ZNHIT6: variants seen among roughly 807,000 people sequenced by gnomAD.
ZNHIT6 encodes zinc finger HIT-type containing 6, also known as box C/D snoRNA protein 1.
ZNHIT6 carries 45 observed loss-of-function variants against 57.2 expected under a neutral mutation model. The ratio of observed to expected loss-of-function variants is 0.79; its 90% confidence interval spans 0.62 to 1.01. The LOEUF (loss-of-function observed/expected upper bound fraction) is 1.01, where lower values mean the gene tolerates loss of function less well. Ranked by LOEUF, ZNHIT6 falls within the 50% of genes least tolerant of loss-of-function variation. ZNHIT6 has a pLI of 0.00. For synonymous variants in ZNHIT6, 188 were observed against 190.0 expected (o/e 0.99, Z 0.09); for missense variants, 528 against 567.3 (o/e 0.93, Z 0.70).
At chr1:85,706,381 T>C (rs1662686652) in intron 2 of ZNHIT6, 26 bp from the exon 3 acceptor site, 1 of 1,613,734 alleles carries the variant, frequency 6.2e-7, no homozygotes, top group Non-Finnish European at 8.5e-7. Context: ...GGAAGTACTT[T>C]TATATTTTAG....
rs1438663593 is a variant in ZNHIT6 at position 85,653,162 on chromosome 1, A to G, written c.*896T>C. ...AAGTAGATCCAAATTTGTTATCACT[A>G]ATGGCTCAAACAATGTGGAGCCACT... is the stretch of plus-strand genomic sequence containing the variant. On this transcript the variant is annotated 3_prime_UTR_variant, in exon 10 of 10. Transcript: ENST00000370574. The G allele has an allele frequency of 6.6e-6, 1 of 152,210 alleles. No individual in the cohort carries two copies. The highest frequency in any genetic ancestry group is 1.5e-5 in the Non-Finnish European group (1 of 68,042). The allele number at this position is 152,210 out of a possible 1,614,324, so 9.4% of individuals were successfully genotyped here. A position where few individuals can be genotyped will look rare whatever the true frequency, so the allele number is the denominator to read the frequency against.
At chr1:85,671,518 C>CA (rs1239816725) in intron 8 of ZNHIT6, among the ~76,000 whole-genome samples, 21 of 150,806 alleles carry the variant, frequency 1.4e-4, no homozygotes, top group Admixed American at 1.4e-3. Flanking sequence ...AACAAATAAA[C>CA]AAAAAAAGTA....
Position 85,667,961 on chromosome 1 carries a change from A to AAAAAAAAAAATATATAT in ZNHIT6, c.1247+9274_1247+9275insATATATATTTTTTTTTT. On this transcript the variant is annotated intron_variant, in intron 8 of 9. Transcript: ENST00000370574. ...ACTCTCTCTTTCAAAAAAAAAAAAA[A>AAAAAAAAAAATATATAT]ATATATATATATATATATATATATG... Among the ~76,000 whole-genome samples the AAAAAAAAAAATATATAT allele has an allele frequency of 1.9e-3, 34 of 18,188 alleles. 1 individual carries two copies. The highest frequency in any genetic ancestry group is 3.8e-3 in the African/African-American group (18 of 4,702). 11.9% of individuals were successfully genotyped at this position (18,188 alleles called of 152,430 possible). A position where few individuals can be genotyped will look rare whatever the true frequency, so the allele number is the denominator to read the frequency against.
chr1:85,674,617 T>C (rs1180557742), intron 8 of ZNHIT6, among the ~76,000 whole-genome samples: 3 of 152,258 alleles, frequency 2.0e-5, no homozygotes, highest in South Asian at 2.1e-4. Context: ...ATTTACATTG[T>C]TTCCTTGGAA....
At position 85,653,810 on chromosome 1, in the gene ZNHIT6, C is replaced by T. The variant is rs988171621; in HGVS notation, c.*248G>A. 17 of 384,934 alleles carry T rather than the reference C, an allele frequency of 4.4e-5. No individual in the cohort carries two copies. The highest frequency in any genetic ancestry group is 6.6e-4 in the Middle Eastern group (1 of 1,526). The allele number at this position is 384,934 out of a possible 1,614,324, so 23.8% of individuals were successfully genotyped here. A position where few individuals can be genotyped will look rare whatever the true frequency, so the allele number is the denominator to read the frequency against. On this transcript the variant is annotated 3_prime_UTR_variant, in exon 10 of 10. Coordinates refer to ENST00000370574, the MANE Select transcript of ZNHIT6 (RefSeq NM_017953.4). ...TTAAGCAATTAAGCATATTAAAAAGCCAGGGCCTAATAAGTACTATGCTGA... is the reference window on the plus strand; with the variant it reads ...TTAAGCAATTAAGCATATTAAAAAGTCAGGGCCTAATAAGTACTATGCTGA...
intron 5 of ZNHIT6, among the ~76,000 whole-genome samples, chr1:85,689,120 G>A (rs1033434684): frequency 3.3e-5 from 5 of 152,094 alleles, no homozygotes; most frequent in South Asian, 2.1e-4. Context: ...TGGAAGCAGC[G>A]AATAATACCT....
chr1:85,693,375 G>A (rs1238433864), intron 5 of ZNHIT6, among the ~76,000 whole-genome samples: 2 of 152,132 alleles, frequency 1.3e-5, no homozygotes, highest in African/African-American at 4.8e-5. Flanking sequence ...TCTAAAAGAT[G>A]AGAAAGATTT....
chr1:85,680,911 G>T lies in ZNHIT6; in HGVS notation c.1020-7C>A, dbSNP rs199737291. 5.0e-5 allele frequency: 80 copies of T among 1,607,620 alleles called. 1 individual carries two copies. The African/African-American group carries it at 9.3e-4, about 19-fold the overall frequency. ...CCAACAAAACTGTTGTTTTCTAAGA[G>T]AGAAAATAATCATGTGAGAATCAAG... is the stretch of plus-strand genomic sequence containing the variant. On this transcript the variant is annotated splice_region_variant and splice_polypyrimidine_tract_variant and intron_variant, in intron 5 of 9. Coordinates refer to ENST00000370574, the MANE Select transcript of ZNHIT6 (RefSeq NM_017953.4).
chr1:85,702,096 C>A (rs546014615), intron 5 of ZNHIT6, 61 bp downstream of exon 5: 3 of 1,207,450 alleles, frequency 2.5e-6, no homozygotes, highest in Admixed American at 2.2e-5. Flanking sequence ...AGCAACCAAA[C>A]CTTAAAGAAT....
intron 5 of ZNHIT6, among the ~76,000 whole-genome samples, chr1:85,697,329 T>C (rs1662404096): frequency 6.6e-6 from 1 of 150,626 alleles, no homozygotes; most frequent in Non-Finnish European, 1.5e-5. Context: ...AGTTATTATT[T>C]TCCTTTTGGC....
intron 5 of ZNHIT6, among the ~76,000 whole-genome samples, chr1:85,691,069 A>G (rs1200494752): frequency 6.6e-6 from 1 of 152,152 alleles, no homozygotes; most frequent in Non-Finnish European, 1.5e-5. Flanking sequence ...TCTATTCTGC[A>G]TTTTGAAATT....
chr1:85,660,603 C>A (rs1661197905), intron 8 of ZNHIT6, among the ~76,000 whole-genome samples: 1 of 151,596 alleles, frequency 6.6e-6, no homozygotes, highest in Non-Finnish European at 1.5e-5. Flanking sequence ...AATTACTATG[C>A]AACAAGTTAA....
intron 8 of ZNHIT6, among the ~76,000 whole-genome samples, chr1:85,666,003 T>G (rs1000398591): frequency 1.2e-4 from 18 of 152,202 alleles, no homozygotes; most frequent in African/African-American, 4.1e-4. Context: ...AAGCCAATTT[T>G]GTGATTTCTT....
intron 8 of ZNHIT6, among the ~76,000 whole-genome samples, chr1:85,670,571 G>A (rs545570698): frequency 5.9e-5 from 9 of 152,270 alleles, no homozygotes; most frequent in African/African-American, 2.2e-4. Context: ...GGCAACCACT[G>A]TCTTCAAAAG....
intron 8 of ZNHIT6, among the ~76,000 whole-genome samples, chr1:85,676,569 C>T (rs1052242803): frequency 6.6e-6 from 1 of 152,132 alleles, no homozygotes; most frequent in Non-Finnish European, 1.5e-5. Flanking sequence ...CACTTGAACA[C>T]TCACAGGCCA....
chr1:85,681,052 C>T, intron 5 of ZNHIT6, 148 bp from the exon 6 acceptor site: 3 of 574,140 alleles, frequency 5.2e-6, no homozygotes, highest in Non-Finnish European at 8.9e-6. Flanking sequence ...ATTTCTCTTG[C>T]AAGGGTTATT....
chr1:85,678,733 A>T lies in ZNHIT6; in HGVS notation c.1137T>A (p.Asp379Glu). ...TINEILKPYIDPEKSDPVIRQ... is the reference protein window; with the variant it reads ...TINEILKPYIEPEKSDPVIRQ... Reference sequence around the variant, plus strand: ...GAATTACAGGATCAGACTTTTCAGGATCAATGTAAGGTTTTAGGATTTCAT... The same window carrying T: ...GAATTACAGGATCAGACTTTTCAGGTTCAATGTAAGGTTTTAGGATTTCAT... The change falls in exon 7 of 10, where the codon GAT becomes GAA. Residue 379 changes from aspartate to glutamate, a missense_variant. Asp to Glu is a conservative substitution (Grantham distance 45). Transcript: ENST00000370574. The T allele has an allele frequency of 6.3e-7, 1 of 1,593,344 alleles. No individual in the cohort carries two copies. The highest frequency in any genetic ancestry group is 8.5e-7 in the Non-Finnish European group (1 of 1,170,152).
At chr1:85,705,507 C>T (rs1662662208) in intron 4 of ZNHIT6, among the ~76,000 whole-genome samples, 1 of 152,150 alleles carries the variant, frequency 6.6e-6, no homozygotes, top group South Asian at 2.1e-4. Context: ...TGAGCCACTG[C>T]ACCCAACTCC....
chr1:85,650,393 A>C lies in ZNHIT6; in HGVS notation c.*3665T>G, dbSNP rs775239227. On this transcript the variant is annotated 3_prime_UTR_variant, in exon 10 of 10. Transcript: ENST00000370574. ...GCCAAGTGTGTAGGATGGCAAGATG[A>C]CTGCTTTTGACGTTTGGACCCAGGA... is the stretch of plus-strand genomic sequence containing the variant. 6.6e-6 allele frequency: 1 copy of C among 152,200 alleles called. No individual in the cohort carries two copies. Among genetic ancestry groups the C allele is most frequent in the African/African-American group, 2.4e-5 (1 of 41,438 alleles). The allele number at this position is 152,200 out of a possible 1,614,324, so 9.4% of individuals were successfully genotyped here.
Sources: gnomAD v4.1 joint callset for allele counts (sites outside exome capture counted in the v4.1 genomes callset) on GRCh38, gnomAD v4.1.1 for gene constraint, MANE v1.5 for transcripts, NCBI Gene and HGNC (gene_info 2026-07-23, HGNC 2026-07-21) for gene names.